Variants in APOBEC3F observed in about 807,000 individuals in gnomAD.
APOBEC3F encodes the protein apolipoprotein B mRNA editing enzyme catalytic subunit 3F, also known as DNA dC->dU-editing enzyme APOBEC-3F.
Under a neutral mutation model 45.8 loss-of-function variants are expected in APOBEC3F, and 34 were observed. That is an observed-to-expected ratio of 0.74 (90% CI 0.57 to 0.99). The LOEUF (loss-of-function observed/expected upper bound fraction) is 0.99, where lower values mean the gene tolerates loss of function less well. Ranked by LOEUF, APOBEC3F falls within the 50% of genes least tolerant of loss-of-function variation. APOBEC3F has a pLI of 0.00. For missense variants in APOBEC3F, 459 were observed against 474.1 expected (o/e 0.97, Z 0.30); for synonymous variants, 192 against 174.4 (o/e 1.10, Z -0.80).
chr22:39,044,614 GC>G (rs971044011), intron 2 of APOBEC3F, among the ~76,000 whole-genome samples: 3 of 151,992 alleles, frequency 2.0e-5, no homozygotes, highest in Admixed American at 6.6e-5. Context: ...CTGACATACT[GC>G]CCCCCCAGCT....
At chr22:39,043,952 G>A (rs1371037628) in intron 2 of APOBEC3F, 1 of 1,308,442 alleles carries the variant, frequency 7.6e-7, no homozygotes, top group Non-Finnish European at 1.0e-6. Context: ...TTGAACCCAT[G>A]AGGCAGAGGT....
chr22:39,045,994 C>T (rs1569070647), intron 4 of APOBEC3F, among the ~76,000 whole-genome samples: 1 of 152,192 alleles, frequency 6.6e-6, no homozygotes, highest in Non-Finnish European at 1.5e-5. Context: ...AGAAGATGCC[C>T]CCGGGCCGGG....
chr22:39,052,077 G>C lies in APOBEC3F; in HGVS notation c.727G>C (p.Asp243His), dbSNP rs780731612. ...WKRGVFRNQV[D>H]PETHCHAERC... ...CCTCCTCCTCCTCCTTCCCCAGGTG[G>C]ATCCTGAGACCCATTGTCATGCAGA... is the stretch of plus-strand genomic sequence containing the variant. The change falls in exon 6 of 7, where the codon GAT (aspartate) becomes CAT (histidine). Residue 243 changes from aspartate (D) to histidine (H), a missense_variant. By Grantham distance (81) the Asp-to-His change is moderately conservative. Transcript: ENST00000308521. 5.0e-6 allele frequency: 8 copies of C among 1,611,114 alleles called. No homozygotes were observed. Among genetic ancestry groups the C allele is most frequent in the Non-Finnish European group, 6.8e-6 (8 of 1,177,664 alleles).
Position 39,045,492 on chromosome 22 carries a change from A to AT in APOBEC3F, c.518dup (p.Asp174ArgfsTer2). On this transcript the variant is annotated frameshift_variant, in exon 4 of 7. Coordinates refer to ENST00000308521, the MANE Select transcript of APOBEC3F (RefSeq NM_145298.6). LOFTEE classifies it high-confidence loss of function. ...GTCAGCCATTCATGCCTTGGTACAA[A>AT]TTCGATGACAATTATGCATTCCTGC... 6.2e-7 allele frequency: 1 copy of AT among 1,614,150 alleles called. No homozygotes were observed.
chr22:39,049,324 C>A, intron 4 of APOBEC3F, 101 bp from the exon 5 acceptor site: 1 of 1,348,712 alleles, frequency 7.4e-7, no homozygotes, highest in Non-Finnish European at 1.0e-6. Context: ...GGGAAAGCAG[C>A]AGACATTCCC....
intron 4 of APOBEC3F, among the ~76,000 whole-genome samples, chr22:39,048,246 C>T (rs1927315103): frequency 6.6e-6 from 1 of 152,250 alleles, no homozygotes; most frequent in African/African-American, 2.4e-5. Flanking sequence ...CCAGCTCCAT[C>T]CATCCCCATC....
At position 39,052,671 on chromosome 22, in the gene APOBEC3F, C is replaced by G. The variant is rs553512005; in HGVS notation, c.1098C>G (p.Ser366Arg). The part of the protein sequence containing the change: ...GLKYNFLFLD[S>R]KLQEILE Reference sequence around the variant, plus strand: ...AATACAACTTTCTATTCCTGGACAGCAAGCTGCAGGAGATTCTCGAGTGAG... The same window carrying G: ...AATACAACTTTCTATTCCTGGACAGGAAGCTGCAGGAGATTCTCGAGTGAG... Residue 366 changes from serine to arginine, a missense_variant, in exon 7 of 7, where the codon AGC (serine) becomes AGG (arginine). Physicochemically the swap from Ser to Arg is moderately radical, Grantham distance 110. Coordinates refer to ENST00000308521, the MANE Select transcript of APOBEC3F (RefSeq NM_145298.6). 1 of 1,613,798 alleles carries G rather than the reference C, an allele frequency of 6.2e-7. No individual in the cohort carries two copies. The highest frequency in any genetic ancestry group is 1.7e-5 in the Admixed American group (1 of 59,996).
intron 4 of APOBEC3F, among the ~76,000 whole-genome samples, chr22:39,046,968 C>A (rs188664002): frequency 6.6e-6 from 1 of 152,124 alleles, no homozygotes; most frequent in Admixed American, 6.5e-5. Context: ...TCGGGAGAGA[C>A]GGGAACTGAG....
At chr22:39,049,321 C>A in intron 4 of APOBEC3F, 104 bp from the exon 5 acceptor site, 1 of 1,334,920 alleles carries the variant, frequency 7.5e-7, no homozygotes, top group Non-Finnish European at 1.0e-6. Flanking sequence ...CCTGGGAAAG[C>A]AGCAGACATT....
intron 5 of APOBEC3F, among the ~76,000 whole-genome samples, chr22:39,050,312 C>A (rs559241676): frequency 6.6e-6 from 1 of 152,074 alleles, no homozygotes; most frequent in East Asian, 1.9e-4. Flanking sequence ...GGGTGGTGAA[C>A]CCTCGCTCCT....
rs1926997881 is a variant in APOBEC3F at position 39,043,038 on chromosome 22, A to C, written c.119A>C (p.Lys40Thr). ...RNTVWLCYEVKTKGPSRPRLD... is the reference protein window; with the variant it reads ...RNTVWLCYEVTTKGPSRPRLD... The stretch of plus-strand genomic sequence containing the variant: ...ACCGTCTGGCTGTGCTACGAAGTGA[A>C]AACAAAGGGTCCCTCAAGGCCCCGT... The change falls in exon 2 of 7, where the codon AAA becomes ACA. Residue 40 changes from lysine to threonine, a missense_variant. Physicochemically the swap from Lys to Thr is moderately conservative, Grantham distance 78. Transcript: ENST00000308521. 2 of 1,614,202 alleles carry C rather than the reference A, an allele frequency of 1.2e-6. No homozygotes were observed. The highest frequency in any genetic ancestry group is 1.7e-6 in the Non-Finnish European group (2 of 1,180,040).
At position 39,054,017 on chromosome 22, in the gene APOBEC3F, T is replaced by A. The variant is rs1927615015; in HGVS notation, c.*1322T>A. Reference sequence around the variant, plus strand: ...GACAAGAGAACATTTCTCCTTTTCTTTTTTTTTTTCTTTGAAATGGAGTCT... The same window carrying A: ...GACAAGAGAACATTTCTCCTTTTCTATTTTTTTTTCTTTGAAATGGAGTCT... On this transcript the variant is annotated 3_prime_UTR_variant, in exon 7 of 7. Transcript: ENST00000308521. 1 of 150,432 alleles carries A rather than the reference T, an allele frequency of 6.6e-6. No individual in the cohort carries two copies. The highest frequency in any genetic ancestry group is 2.4e-5 in the African/African-American group (1 of 40,944). The allele number at this position is 150,432 out of a possible 1,614,324, so 9.3% of individuals were successfully genotyped here.
In APOBEC3F at chr22:39,042,690, C is replaced by T. The variant is rs561980414; in HGVS notation, c.18-247C>T. Among the ~76,000 whole-genome samples, 7 of 152,256 alleles carry T rather than the reference C, an allele frequency of 4.6e-5. No individual in the cohort carries two copies. The East Asian group carries it at 1.3e-3, about 29-fold the overall frequency. On this transcript the variant is annotated intron_variant, in intron 1 of 6. Coordinates refer to ENST00000308521, the MANE Select transcript of APOBEC3F (RefSeq NM_145298.6). ...AAATACTGGGAAGGTGGGGAATGTA[C>T]TCCTGGAACGACCAGAGCTGGACCC...
rs374934989 is a variant in APOBEC3F, at chr22:39,052,365, G to A, written c.1003+12G>A. 3.7e-5 allele frequency: 60 copies of A among 1,613,262 alleles called. No individual in the cohort carries two copies. The African/African-American group carries it at 5.2e-4, about 14-fold the overall frequency. Reference sequence around the variant, plus strand: ...CATGGGCTACAAAGGTGAGACGTTGGGGGGCTGAGGAGAGTGGGTGCGGGA... The same window carrying A: ...CATGGGCTACAAAGGTGAGACGTTGAGGGGCTGAGGAGAGTGGGTGCGGGA... On this transcript the variant is annotated intron_variant, in intron 6 of 6. Transcript: ENST00000308521.
chr22:39,041,620 T>C (rs1402624916), intron 1 of APOBEC3F, among the ~76,000 whole-genome samples: 2 of 151,904 alleles, frequency 1.3e-5, no homozygotes, highest in African/African-American at 4.8e-5. Context: ...TCCCAGCACT[T>C]TGGTAGGCTG....
chr22:39,052,859 G>C lies in APOBEC3F; in HGVS notation c.*164G>C. 7.1e-7 allele frequency: 1 copy of C among 1,408,824 alleles called. No individual in the cohort carries two copies. Among genetic ancestry groups the C allele is most frequent in the Non-Finnish European group, 9.2e-7 (1 of 1,082,540 alleles). 87.3% of individuals were successfully genotyped at this position (1,408,824 alleles called of 1,614,324 possible). ...TCCCCTGCCTCACCACCTCCTCTCC[G>C]CTCTCCCAGGCTCTTCCTGCAGAGG... On this transcript the variant is annotated 3_prime_UTR_variant, in exon 7 of 7. Transcript: ENST00000308521.
chr22:39,042,062 G>T (rs1426688540), intron 1 of APOBEC3F, among the ~76,000 whole-genome samples: 5 of 152,192 alleles, frequency 3.3e-5, no homozygotes, highest in Non-Finnish European at 5.9e-5. Flanking sequence ...CAGCTCTGTG[G>T]CCTGGGCAGG....
intron 4 of APOBEC3F, among the ~76,000 whole-genome samples, chr22:39,048,846 G>T (rs1350971111): frequency 6.6e-6 from 1 of 151,994 alleles, no homozygotes; most frequent in East Asian, 1.9e-4. Context: ...TCAGCCGGAC[G>T]TGGTGACACA....
intron 5 of APOBEC3F, among the ~76,000 whole-genome samples, chr22:39,051,749 C>G (rs1219910375): frequency 6.6e-6 from 1 of 151,722 alleles, no homozygotes; most frequent in Non-Finnish European, 1.5e-5. Flanking sequence ...CCCAAGAGTT[C>G]GAGATCAGCC....
Sources: allele counts gnomAD v4.1 joint callset (sites outside exome capture counted in the v4.1 genomes callset), GRCh38; gene constraint gnomAD v4.1.1; transcripts MANE v1.5; gene names NCBI Gene and HGNC (gene_info 2026-07-23, HGNC 2026-07-21).